Variants in GRB14 observed in about 807,000 individuals in gnomAD.
The protein encoded by GRB14 is growth factor receptor-bound protein 14.
Under a neutral mutation model 69.1 loss-of-function variants are expected in GRB14, and 38 were observed. That is an observed-to-expected ratio of 0.55 (90% confidence interval 0.42 to 0.72). GRB14 has a LOEUF of 0.72. GRB14 is among the 30% of genes least tolerant of loss of function. GRB14 has a pLI of 0.00. For synonymous variants in GRB14, 247 were observed against 241.3 expected (o/e 1.02, Z -0.22); for missense variants, 666 against 666.1 (o/e 1.00, Z 0.00).
At position 164,528,274 on chromosome 2, in the gene GRB14, GTTTGTACAC is replaced by G. The variant is rs558103045; in HGVS notation, c.482-1148_482-1140del. ...GAGTCCATTGAGTTGTGCACACTTG[GTTTGTACAC>G]TTTTCTTAATGTATGCCATACTTCA... On this transcript the variant is annotated intron_variant, in intron 3 of 13. Coordinates refer to ENST00000263915, the MANE Select transcript of GRB14 (RefSeq NM_004490.3). Among the ~76,000 whole-genome samples, 207 of 152,146 alleles carry G rather than the reference GTTTGTACAC, an allele frequency of 1.4e-3. 1 individual carries two copies. The highest frequency in any genetic ancestry group is 1.1e-3 in the Admixed American group (17 of 15,260).
At chr2:164,560,184 T>A (rs1179971917) in intron 2 of GRB14, among the ~76,000 whole-genome samples, 1 of 152,198 alleles carries the variant, frequency 6.6e-6, no homozygotes, top group African/African-American at 2.4e-5. Flanking sequence ...TTTAGGCTGC[T>A]TTAAGCTGCT....
At chr2:164,497,531 G>T (rs1221796674) in intron 9 of GRB14, 41 bp from the exon 10 acceptor site, 1 of 1,248,106 alleles carries the variant, frequency 8.0e-7, no homozygotes, top group East Asian at 2.3e-5. Flanking sequence ...AAATTTCTTT[G>T]AAAGTTATCT....
intron 2 of GRB14, chr2:164,574,026 A>T: frequency 7.2e-7 from 1 of 1,394,370 alleles, no homozygotes; most frequent in South Asian, 1.2e-5. Context: ...CTTAACATAG[A>T]TTGTTGCAGC....
At chr2:164,547,956 C>G in intron 2 of GRB14, 140 bp from the exon 3 acceptor site, 1 of 553,084 alleles carries the variant, frequency 1.8e-6, no homozygotes, top group East Asian at 3.0e-5. Flanking sequence ...TATAGTAAAA[C>G]AAATTAACAT....
chr2:164,621,212 C>T lies in GRB14; in HGVS notation c.98G>A (p.Arg33Lys). 2.4e-6 allele frequency: 3 copies of T among 1,246,314 alleles called. No individual in the cohort carries two copies. The highest frequency in any genetic ancestry group is 3.0e-6 in the Non-Finnish European group (3 of 991,782). 77.2% of individuals were successfully genotyped at this position (1,246,314 alleles called of 1,614,324 possible). A position where few individuals can be genotyped will look rare whatever the true frequency, so the allele number is the denominator to read the frequency against. Residue 33 changes from arginine (R) to lysine (K), a missense_variant, in exon 1 of 14, where the codon AGG (arginine) becomes AAG (lysine). Arg to Lys is a conservative substitution (Grantham distance 26). Transcript: ENST00000263915. This position sits in a 1 kb window ranked among gnomAD's most constrained non-coding sequence, Gnocchi z 6.0. Reference sequence around the variant, plus strand: ...CGGCGCCAGGTCGTGGGCGTCGCCCCTCCCCTGGGCAGCGCCACACACCTG... The same window carrying T: ...CGGCGCCAGGTCGTGGGCGTCGCCCTTCCCCTGGGCAGCGCCACACACCTG... The part of the protein sequence containing the change: ...AAQVCGAAQG[R>K]GDAHDLAPAP...
At chr2:164,495,445 G>T (rs10427322) in intron 12 of GRB14, among the ~76,000 whole-genome samples, 5,226 of 152,230 alleles carry the variant, frequency 0.034, 304 homozygotes, top group African/African-American at 0.12. Flanking sequence ...CTTGAAGAAT[G>T]CAGCAGAAAA....
chr2:164,589,674 C>A (rs1423092353), intron 2 of GRB14, among the ~76,000 whole-genome samples: 1 of 152,030 alleles, frequency 6.6e-6, no homozygotes, highest in African/African-American at 2.4e-5. Context: ...TCCCATGGCC[C>A]AAACAGAAGT....
intron 4 of GRB14, 23 bp downstream of exon 4, chr2:164,526,991 C>T (rs1486536741): frequency 1.3e-6 from 2 of 1,532,458 alleles, no homozygotes; most frequent in Non-Finnish European, 8.9e-7. Context: ...TTTTCCGTAA[C>T]TATTAGGAGG....
intron 2 of GRB14, among the ~76,000 whole-genome samples, chr2:164,590,341 T>C (rs1689632745): frequency 6.6e-6 from 1 of 152,166 alleles, no homozygotes; most frequent in Non-Finnish European, 1.5e-5. Context: ...ATGGGAATGC[T>C]TAAAAGATAG....
intron 3 of GRB14, among the ~76,000 whole-genome samples, chr2:164,541,611 T>G (rs1688241568): frequency 6.6e-6 from 1 of 151,496 alleles, no homozygotes. Context: ...ACCCTATCTC[T>G]AAAAAAAATT....
At chr2:164,550,837 C>T (rs1033555073) in intron 2 of GRB14, among the ~76,000 whole-genome samples, 5 of 152,098 alleles carry the variant, frequency 3.3e-5, no homozygotes, top group Non-Finnish European at 5.9e-5. Flanking sequence ...TTCAGTGGTA[C>T]GTGCAAAATT....
chr2:164,542,539 C>T (rs565595069), intron 3 of GRB14, among the ~76,000 whole-genome samples: 1 of 151,990 alleles, frequency 6.6e-6, no homozygotes, highest in Non-Finnish European at 1.5e-5. Flanking sequence ...TATAATGAAC[C>T]TAATTCAACA....
intron 3 of GRB14, among the ~76,000 whole-genome samples, chr2:164,541,159 G>A (rs1186671688): frequency 1.3e-5 from 2 of 151,924 alleles, no homozygotes; most frequent in African/African-American, 4.8e-5. Flanking sequence ...GATTATTTTT[G>A]TATTTAAAAT....
chr2:164,508,232 G>A (rs1026050794), intron 8 of GRB14, among the ~76,000 whole-genome samples: 2 of 152,014 alleles, frequency 1.3e-5, no homozygotes, highest in Non-Finnish European at 2.9e-5. Context: ...TTCTAGAAAT[G>A]GAATACTTAC....
At chr2:164,522,967 G>C (rs1240572211) in intron 5 of GRB14, among the ~76,000 whole-genome samples, 1 of 152,004 alleles carries the variant, frequency 6.6e-6, no homozygotes, top group African/African-American at 2.4e-5. Flanking sequence ...TGTCACATAA[G>C]AAATGTGACT....
intron 2 of GRB14, among the ~76,000 whole-genome samples, chr2:164,582,698 C>T (rs531889297): frequency 6.6e-6 from 1 of 152,236 alleles, no homozygotes; most frequent in Non-Finnish European, 1.5e-5. Context: ...GGATTACAGG[C>T]GTGAGCCACC....
chr2:164,492,822 TCCTAAGG>T lies in GRB14; in HGVS notation c.*207_*213del. 1 of 424,524 alleles carries T rather than the reference TCCTAAGG, an allele frequency of 2.4e-6. No homozygotes were observed. The highest frequency in any genetic ancestry group is 2.0e-5 in the African/African-American group (1 of 49,090). The allele number at this position is 424,524 out of a possible 1,614,324, so 26.3% of individuals were successfully genotyped here. ...ACAAGAACACACCAAGTCATTTTTT[TCCTAAGG>T]TTTAATTTTAACTAATGAATTTTAA... On this transcript the variant is annotated 3_prime_UTR_variant, in exon 14 of 14. Transcript: ENST00000263915.
chr2:164,500,362 C>A (rs1055390624), intron 9 of GRB14, among the ~76,000 whole-genome samples: 1 of 151,774 alleles, frequency 6.6e-6, no homozygotes, highest in Non-Finnish European at 1.5e-5. Flanking sequence ...AAAATGTATA[C>A]CTGGAAAAGT....
rs867811859 is a variant in GRB14, at chr2:164,619,524, C to T, written c.324+163G>A. Among the ~76,000 whole-genome samples, 5 of 152,128 alleles carry T rather than the reference C, an allele frequency of 3.3e-5. No homozygotes were observed. In the South Asian group the frequency reaches 6.2e-4, roughly 19 times the overall value. On this transcript the variant is annotated intron_variant, in intron 2 of 13. Coordinates refer to ENST00000263915, the MANE Select transcript of GRB14 (RefSeq NM_004490.3). ...CATTATACGGCTTAGAAGAATAAGG[C>T]CCTAAATGGAAAATAATGCCAAAGG... is the stretch of plus-strand genomic sequence containing the variant.
Sources: gnomAD v4.1 joint callset for allele counts (sites outside exome capture counted in the v4.1 genomes callset) on GRCh38, gnomAD v4.1.1 for gene constraint, Gnocchi (gnomAD v3.1) non-coding constraint, MANE v1.5 for transcripts, NCBI Gene and HGNC (gene_info 2026-07-23, HGNC 2026-07-21) for gene names.